TSPEAR: variants seen among roughly 807,000 people sequenced by gnomAD.
The protein encoded by TSPEAR is thrombospondin type laminin G domain and EAR repeats, also known as thrombospondin-type laminin G domain and EAR repeat-containing protein.
In TSPEAR, 69 loss-of-function variants were observed where a neutral mutation model predicts 71.6. That is an observed-to-expected ratio of 0.96 (90% CI 0.79 to 1.18). The LOEUF is 1.18. Ranked by LOEUF, TSPEAR falls within the 50% of genes most tolerant of loss-of-function variation. The pLI is 0.00. For missense variants in TSPEAR, 971 were observed against 894.9 expected (o/e 1.09, Z -1.09); for synonymous variants, 402 against 387.2 (o/e 1.04, Z -0.45).
At chr21:44,600,588 A>G in intron 1 of TSPEAR, 1 of 1,595,154 alleles carries the variant, frequency 6.3e-7, no homozygotes, top group Non-Finnish European at 8.5e-7. Context: ...TCACTCACCC[A>G]CTCACTCCCA....
In TSPEAR at chr21:44,695,033, G is replaced by A. The variant is rs1987273276; in HGVS notation, c.82+16400C>T. ...ACCCTCCAGGCCTCTGCCACAGGCT[G>A]GAGGAGCTGCTTGATGCAGACACTT... On this transcript the variant is annotated intron_variant, in intron 1 of 11. Transcript: ENST00000323084. The surrounding 1 kb of genome is among the most constrained non-coding windows in gnomAD (Gnocchi z 4.5). Among the ~76,000 whole-genome samples the A allele has an allele frequency of 6.6e-6, 1 of 152,234 alleles. No homozygotes were observed. Among genetic ancestry groups the A allele is most frequent in the South Asian group, 2.1e-4 (1 of 4,834 alleles).
chr21:44,595,467 T>A (rs1980302161), intron 1 of TSPEAR, among the ~76,000 whole-genome samples: 1 of 152,180 alleles, frequency 6.6e-6, no homozygotes, highest in Non-Finnish European at 1.5e-5. Flanking sequence ...CCTTACTGAA[T>A]CTATATAGTT....
Position 44,612,503 on chromosome 21 carries a change from G to A in TSPEAR, c.83-44498C>T, listed in dbSNP as rs143687357. On this transcript the variant is annotated intron_variant, in intron 1 of 11. Transcript: ENST00000323084. This position sits in a 1 kb window ranked among gnomAD's most constrained non-coding sequence, Gnocchi z 4.1. Reference sequence around the variant, plus strand: ...CAACTGCTGCAAGCCCGTGTGCTGCGTGTCCATCTGCTCTGGAGCTTCCTC... The same window carrying A: ...CAACTGCTGCAAGCCCGTGTGCTGCATGTCCATCTGCTCTGGAGCTTCCTC... The A allele has an allele frequency of 2.9e-5, 46 of 1,609,256 alleles. No individual in the cohort carries two copies. Among genetic ancestry groups the A allele is most frequent in the Admixed American group, 8.4e-5 (5 of 59,764 alleles).
At chr21:44,700,473 C>T (rs1987597324) in intron 1 of TSPEAR, among the ~76,000 whole-genome samples, 1 of 152,156 alleles carries the variant, frequency 6.6e-6, no homozygotes, top group Non-Finnish European at 1.5e-5. Context: ...GCAGAGACTT[C>T]CCAGAACCCC....
chr21:44,677,903 AGTGCCAC>A (rs1211500130), intron 1 of TSPEAR: 24 of 1,400,010 alleles, frequency 1.7e-5, no homozygotes, highest in African/African-American at 2.9e-5. Context: ...CATATAGGAT[AGTGCCAC>A]CAATACCTCC....
intron 1 of TSPEAR, among the ~76,000 whole-genome samples, chr21:44,633,350 T>C (rs1358948567): frequency 6.6e-6 from 1 of 152,212 alleles, no homozygotes; most frequent in East Asian, 1.9e-4. Context: ...TCTTGTTTTT[T>C]AATATAAGCA....
chr21:44,499,877 T>G lies in TSPEAR; in HGVS notation c.1916A>C (p.Asp639Ala). Residue 639 changes from aspartate to alanine, a missense_variant, in exon 12 of 12, where the codon GAC (aspartate) becomes GCC (alanine). Transcript: ENST00000323084. ...AGCCGTGGTGCTGAAGGCCTCCCAG[T>G]CCCTGCAGCCGACGGTGGGGAGGCT... ...VHSLPTVGCR[D>A]WEAFSTTAGA... is the part of the protein sequence containing the mutation. 1 of 1,606,628 alleles carries G rather than the reference T, an allele frequency of 6.2e-7. No individual in the cohort carries two copies. The highest frequency in any genetic ancestry group is 8.5e-7 in the Non-Finnish European group (1 of 1,177,550).
In TSPEAR at chr21:44,612,773, G is replaced by A; in HGVS notation, c.83-44768C>T. The A allele has an allele frequency of 6.2e-7, 1 of 1,612,882 alleles. No individual in the cohort carries two copies. The highest frequency in any genetic ancestry group is 1.1e-5 in the South Asian group (1 of 91,016). On this transcript the variant is annotated intron_variant, in intron 1 of 11. Transcript: ENST00000323084. This position sits in a 1 kb window ranked among gnomAD's most constrained non-coding sequence, Gnocchi z 4.1. ...GTGCCGGCCTGCCTGCTGTGTGCCTGTCCCCTCCTGTTGTGTCCCTGCCTC... is the reference window on the plus strand; with the variant it reads ...GTGCCGGCCTGCCTGCTGTGTGCCTATCCCCTCCTGTTGTGTCCCTGCCTC...
chr21:44,696,382 A>T (rs1987335087), intron 1 of TSPEAR, among the ~76,000 whole-genome samples: 1 of 152,218 alleles, frequency 6.6e-6, no homozygotes, highest in African/African-American at 2.4e-5. Flanking sequence ...CCTCCAGTGT[A>T]TGCTCCTCTG....
intron 1 of TSPEAR, chr21:44,575,002 G>A (rs782264927): frequency 4.7e-5 from 76 of 1,605,592 alleles, no homozygotes; most frequent in African/African-American, 2.1e-4. Flanking sequence ...TGAGGCCTCC[G>A]CTCAGGTCAG....
intron 1 of TSPEAR, among the ~76,000 whole-genome samples, chr21:44,689,970 A>G (rs1987058308): frequency 6.6e-6 from 1 of 151,766 alleles, no homozygotes; most frequent in Non-Finnish European, 1.5e-5. Flanking sequence ...CTGGCAGCTG[A>G]TTAGATGGTG....
At chr21:44,665,226 C>A (rs1412396210) in intron 1 of TSPEAR, among the ~76,000 whole-genome samples, 2 of 152,160 alleles carry the variant, frequency 1.3e-5, no homozygotes, top group African/African-American at 4.8e-5. Context: ...GTTTTTTAAC[C>A]CTAAACTCAA....
At chr21:44,690,573 C>T in intron 1 of TSPEAR, 3 of 985,456 alleles carry the variant, frequency 3.0e-6, no homozygotes, top group Non-Finnish European at 3.6e-6. Context: ...TCCGGGAGGT[C>T]AGCATTCAGC....
At chr21:44,514,954 T>C (rs782167255) in intron 9 of TSPEAR, among the ~76,000 whole-genome samples, 5 of 152,116 alleles carry the variant, frequency 3.3e-5, no homozygotes, top group African/African-American at 1.2e-4. Flanking sequence ...TGCAGTGCCC[T>C]GGGAATGCGC....
In TSPEAR at chr21:44,592,806, C is replaced by A. The variant is rs141024781; in HGVS notation, c.83-24801G>T. On this transcript the variant is annotated intron_variant, in intron 1 of 11. Coordinates refer to ENST00000323084, the MANE Select transcript of TSPEAR (RefSeq NM_144991.3). ...CGTCCACCCCTGGCCCCAGCAGCCC[C>A]GGGACACAGAGTCCCTCTGCAGGAA... Among the ~76,000 whole-genome samples the A allele has an allele frequency of 4.9e-3, 739 of 152,278 alleles. 23 individuals are homozygous for A. Among genetic ancestry groups the A allele is most frequent in the Admixed American group, 0.044 (670 of 15,300 alleles).
intron 1 of TSPEAR, among the ~76,000 whole-genome samples, chr21:44,622,304 T>C (rs1982492972): frequency 6.6e-6 from 1 of 152,018 alleles, no homozygotes; most frequent in Non-Finnish European, 1.5e-5. Flanking sequence ...ACGCAAGGAA[T>C]CTACTCCCTT....
chr21:44,706,994 C>G (rs1183024963), intron 1 of TSPEAR, among the ~76,000 whole-genome samples: 1 of 152,260 alleles, frequency 6.6e-6, no homozygotes, highest in African/African-American at 2.4e-5. Flanking sequence ...GAAGCACCCG[C>G]TTTCACGTCC....
At chr21:44,523,202 G>C (rs587706396) in intron 8 of TSPEAR, among the ~76,000 whole-genome samples, 3 of 149,580 alleles carry the variant, frequency 2.0e-5, no homozygotes, top group Non-Finnish European at 2.9e-5. Context: ...AGTCAGTGAA[G>C]TAGTCAGTCA....
intron 1 of TSPEAR, among the ~76,000 whole-genome samples, chr21:44,582,905 C>A (rs587753468): frequency 2.0e-5 from 3 of 152,118 alleles, no homozygotes; most frequent in Non-Finnish European, 4.4e-5. Flanking sequence ...GTGCTGCAGG[C>A]CCCACCTCCC....
Sources: gnomAD v4.1 joint callset for allele counts (sites outside exome capture counted in the v4.1 genomes callset) on GRCh38, gnomAD v4.1.1 for gene constraint, Gnocchi (gnomAD v3.1) non-coding constraint, MANE v1.5 for transcripts, NCBI Gene and HGNC (gene_info 2026-07-23, HGNC 2026-07-21) for gene names.